BRINP3: variants seen among roughly 807,000 people sequenced by gnomAD.
The protein encoded by BRINP3 is BMP/retinoic acid inducible neural specific 3, also known as BMP/retinoic acid-inducible neural-specific protein 3.
A neutral mutation model predicts 71.0 loss-of-function variants in BRINP3; 19 were observed. The ratio of observed to expected loss-of-function variants is 0.27; its 90% CI spans 0.19 to 0.39. The LOEUF (loss-of-function observed/expected upper bound fraction) is 0.39. Among genes scored for constraint, BRINP3 ranks in the 10% least tolerant of loss-of-function variants. The pLI is 1.00. For synonymous variants in BRINP3, 380 were observed against 337.7 expected (o/e 1.13, Z -1.37); for missense variants, 959 against 940.8 (o/e 1.02, Z -0.25).
intron 2 of BRINP3, among the ~76,000 whole-genome samples, chr1:190,370,824 T>G (rs1374727346): frequency 6.6e-6 from 1 of 152,198 alleles, no homozygotes; most frequent in Non-Finnish European, 1.5e-5. Context: ...TTCATCTTTT[T>G]GACAATAGAC....
At chr1:190,132,615 C>G (rs1654634107) in intron 7 of BRINP3, among the ~76,000 whole-genome samples, 1 of 152,052 alleles carries the variant, frequency 6.6e-6, no homozygotes, top group Non-Finnish European at 1.5e-5. Flanking sequence ...AGACACATAA[C>G]ATAATAAATG....
intron 2 of BRINP3, among the ~76,000 whole-genome samples, chr1:190,282,665 G>T (rs1370023478): frequency 6.6e-6 from 1 of 151,966 alleles, no homozygotes; most frequent in Non-Finnish European, 1.5e-5. Flanking sequence ...TGCTTGCTAT[G>T]TGCCAGGATC....
chr1:190,121,404 C>T (rs190449351), intron 7 of BRINP3, among the ~76,000 whole-genome samples: 4 of 152,062 alleles, frequency 2.6e-5, no homozygotes, highest in Non-Finnish European at 5.9e-5. Context: ...AGAAAAACAG[C>T]ACACATTAAG....
chr1:190,192,870 T>C (rs1253133432), intron 6 of BRINP3, among the ~76,000 whole-genome samples: 2 of 152,098 alleles, frequency 1.3e-5, no homozygotes, highest in Admixed American at 6.6e-5. Context: ...AAAGCCGAGA[T>C]TGGAAATATT....
chr1:190,231,166 G>A (rs1657951437), intron 5 of BRINP3, among the ~76,000 whole-genome samples: 1 of 151,608 alleles, frequency 6.6e-6, no homozygotes, highest in South Asian at 2.1e-4. Context: ...ATGGCTTGAA[G>A]GACTTAATAG....
chr1:190,312,036 A>AATATATATATATATATATATAT (rs1180367434), intron 2 of BRINP3, among the ~76,000 whole-genome samples: 1 of 68,296 alleles, frequency 1.5e-5, no homozygotes, highest in African/African-American at 4.7e-5. Context: ...TGAAAAGTCA[A>AATATATATATATATATATATAT]ATATATATAT....
At chr1:190,452,027 C>A (rs1675642127) in intron 2 of BRINP3, among the ~76,000 whole-genome samples, 1 of 152,164 alleles carries the variant, frequency 6.6e-6, no homozygotes, top group African/African-American at 2.4e-5. Context: ...ACTAGTAGAA[C>A]TGGGCTGATC....
At chr1:190,425,924 C>G (rs553518853) in intron 2 of BRINP3, among the ~76,000 whole-genome samples, 6 of 151,736 alleles carry the variant, frequency 4.0e-5, no homozygotes, top group African/African-American at 1.4e-4. Context: ...CATGAAAAGC[C>G]AATAACTAAC....
chr1:190,307,001 C>T (rs1404729171), intron 2 of BRINP3, among the ~76,000 whole-genome samples: 4 of 151,738 alleles, frequency 2.6e-5, no homozygotes. Context: ...CCATGAAACT[C>T]GTGTAGTTCT....
At chr1:190,271,395 T>C (rs539714627) in intron 3 of BRINP3, among the ~76,000 whole-genome samples, 2 of 151,612 alleles carry the variant, frequency 1.3e-5, no homozygotes, top group African/African-American at 4.8e-5. Flanking sequence ...CAAAGAGCAG[T>C]TGTAAGCTGA....
intron 4 of BRINP3, among the ~76,000 whole-genome samples, chr1:190,246,424 A>T (rs1281822319): frequency 6.6e-6 from 1 of 151,932 alleles, no homozygotes; most frequent in Non-Finnish European, 1.5e-5. Flanking sequence ...CCCCAGGTCT[A>T]TGAATTTTGG....
intron 6 of BRINP3, among the ~76,000 whole-genome samples, chr1:190,224,334 A>G (rs1407039005): frequency 1.3e-5 from 2 of 151,758 alleles, no homozygotes; most frequent in Non-Finnish European, 3.0e-5. Context: ...ATATATATCC[A>G]CACATTTACA....
chr1:190,169,622 A>G (rs143448356), intron 6 of BRINP3, among the ~76,000 whole-genome samples: 1,628 of 152,248 alleles, frequency 0.011, 25 homozygotes, highest in African/African-American at 0.036. Flanking sequence ...CAAGATTTTA[A>G]CAAATATTTG....
chr1:190,243,205 A>G (rs1659277680), intron 4 of BRINP3, among the ~76,000 whole-genome samples: 1 of 152,138 alleles, frequency 6.6e-6, no homozygotes, highest in Non-Finnish European at 1.5e-5. Context: ...CAATTTAGTT[A>G]GGACAAAGTT....
At chr1:190,191,066 G>A (rs2102572972) in intron 6 of BRINP3, among the ~76,000 whole-genome samples, 1 of 152,178 alleles carries the variant, frequency 6.6e-6, no homozygotes, top group African/African-American at 2.4e-5. Flanking sequence ...CATTTATAAA[G>A]CAGACACACT....
intron 4 of BRINP3, among the ~76,000 whole-genome samples, chr1:190,253,045 G>C (rs979727985): frequency 3.3e-5 from 5 of 152,060 alleles, no homozygotes; most frequent in African/African-American, 1.2e-4. Context: ...TTCTGTCCTT[G>C]TGACAGTTTG....
chr1:190,129,225 T>A (rs1220014798), intron 7 of BRINP3, among the ~76,000 whole-genome samples: 4 of 151,732 alleles, frequency 2.6e-5, no homozygotes, highest in African/African-American at 9.7e-5. Flanking sequence ...ACAAATCCTA[T>A]TTTTTTAGTC....
intron 4 of BRINP3, among the ~76,000 whole-genome samples, chr1:190,261,240 T>A (rs1022470001): frequency 6.6e-6 from 1 of 152,030 alleles, no homozygotes; most frequent in African/African-American, 2.4e-5. Flanking sequence ...TATGTTAGTA[T>A]AATTTTTTGA....
chr1:190,184,488 C>T (rs961925070), intron 6 of BRINP3, among the ~76,000 whole-genome samples: 3 of 152,016 alleles, frequency 2.0e-5, no homozygotes, highest in African/African-American at 7.2e-5. Context: ...ACCTAAGCGC[C>T]CATTAATGAT....
Sources: gnomAD v4.1 joint callset for allele counts (sites outside exome capture counted in the v4.1 genomes callset) on GRCh38, gnomAD v4.1.1 for gene constraint, MANE v1.5 for transcripts, NCBI Gene and HGNC (gene_info 2026-07-23, HGNC 2026-07-21) for gene names.